OSBPL3: variants seen among roughly 807,000 people sequenced by gnomAD.
OSBPL3 encodes the protein oxysterol-binding protein-related protein 3.
OSBPL3 carries 65 observed loss-of-function variants against 120.1 expected under a neutral mutation model. The observed-to-expected ratio is 0.54, with a 90% CI of 0.44 to 0.67. The LOEUF is 0.67. Ranked by LOEUF, OSBPL3 falls within the 30% of genes least tolerant of loss-of-function variation. The pLI is 0.00. For missense variants in OSBPL3, 1,004 were observed against 1,082.1 expected (o/e 0.93, Z 1.01); for synonymous variants, 416 against 402.6 (o/e 1.03, Z -0.40).
intron 4 of OSBPL3, 26 bp from the exon 5 acceptor site, chr7:24,870,871 T>G (rs1802011082): frequency 7.0e-7 from 1 of 1,433,384 alleles, no homozygotes; most frequent in South Asian, 1.1e-5. Flanking sequence ...GAGGGTCACT[T>G]GGGGACCATG....
intron 2 of OSBPL3, among the ~76,000 whole-genome samples, chr7:24,887,316 T>C (rs991694310): frequency 9.9e-5 from 15 of 152,174 alleles, no homozygotes; most frequent in East Asian, 1.9e-4. Context: ...AGTAGATTCC[T>C]CTATGGTGAA....
chr7:24,840,728 T>C lies in OSBPL3; in HGVS notation c.1457A>G (p.Asn486Ser). 1 of 1,464,312 alleles carries C rather than the reference T, an allele frequency of 6.8e-7. No homozygotes were observed. Among genetic ancestry groups the C allele is most frequent in the Non-Finnish European group, 9.4e-7 (1 of 1,065,322 alleles). 90.7% of individuals were successfully genotyped at this position (1,464,312 alleles called of 1,614,324 possible). ...CTCATTATCTAAATCATTACTGAGA[T>C]TATCTAAGGAAAGATTATCACTTAT... ...SDISDNLSLD[N>S]LSNDLDNERQ... The change falls in exon 14 of 23, where the codon AAT (asparagine) becomes AGT (serine). Residue 486 changes from asparagine to serine, a missense_variant. Physicochemically the swap from Asn to Ser is conservative, Grantham distance 46. This residue lies in a region of OSBPL3 where 473 missense variants were observed against 568.0 expected (regional missense o/e 0.83). Coordinates refer to ENST00000313367, the MANE Select transcript of OSBPL3 (RefSeq NM_015550.4).
intron 2 of OSBPL3, among the ~76,000 whole-genome samples, chr7:24,880,082 G>C (rs981657389): frequency 6.6e-6 from 1 of 152,172 alleles, no homozygotes; most frequent in African/African-American, 2.4e-5. Context: ...CACTGGGGTG[G>C]TGATGGGGTT....
rs537315122 is a variant in OSBPL3 at position 24,827,058 on chromosome 7, C to G, written c.1884+3710G>C. Among the ~76,000 whole-genome samples the G allele has an allele frequency of 6.6e-6, 1 of 152,170 alleles. No individual in the cohort carries two copies. Among genetic ancestry groups the G allele is most frequent in the Non-Finnish European group, 1.5e-5 (1 of 68,022 alleles). ...TGCCAGGTCCTTAAGCTTGGAGATA[C>G]AATTTCCATCATTATCCTCCTTAGA... On this transcript the variant is annotated intron_variant, in intron 16 of 22. Coordinates refer to ENST00000313367, the MANE Select transcript of OSBPL3 (RefSeq NM_015550.4). The surrounding 1 kb of genome is among the most constrained non-coding windows in gnomAD (Gnocchi z 5.1).
intron 1 of OSBPL3, among the ~76,000 whole-genome samples, chr7:24,970,580 G>A (rs1303075707): frequency 1.3e-5 from 2 of 152,202 alleles, no homozygotes; most frequent in Admixed American, 6.5e-5. Context: ...GATACAGATA[G>A]ATAGATATAA....
Position 24,852,484 on chromosome 7 carries a change from G to T in OSBPL3, c.1158+20C>A, listed in dbSNP as rs1799277715. 5 of 1,536,496 alleles carry T rather than the reference G, an allele frequency of 3.3e-6. No individual in the cohort carries two copies. The highest frequency in any genetic ancestry group is 3.5e-4 in the Middle Eastern group (2 of 5,734). ...CCTGGACACATCTCAGGCATTCCTGGAGGCAGACATGTAACTTACGGATGA... is the reference window on the plus strand; with the variant it reads ...CCTGGACACATCTCAGGCATTCCTGTAGGCAGACATGTAACTTACGGATGA... On this transcript the variant is annotated intron_variant, in intron 11 of 22. Transcript: ENST00000313367. This position sits in a 1 kb window ranked among gnomAD's most constrained non-coding sequence, Gnocchi z 4.1.
chr7:24,940,945 A>G lies in OSBPL3; in HGVS notation c.-150+38941T>C, dbSNP rs1281625002. Among the ~76,000 whole-genome samples, 2 of 150,880 alleles carry G rather than the reference A, an allele frequency of 1.3e-5. No homozygotes were observed. Among genetic ancestry groups the G allele is most frequent in the Non-Finnish European group, 3.0e-5 (2 of 67,794 alleles). ...AGCCATTCTCCTGCCCCAGCCTCCCAAGTAGCTGGGACTACAGGCTCCTGC... is the reference window on the plus strand; with the variant it reads ...AGCCATTCTCCTGCCCCAGCCTCCCGAGTAGCTGGGACTACAGGCTCCTGC... On this transcript the variant is annotated intron_variant, in intron 1 of 22. Transcript: ENST00000313367. The surrounding 1 kb of genome is among the most constrained non-coding windows in gnomAD (Gnocchi z 4.4).
chr7:24,933,637 C>G lies in OSBPL3; in HGVS notation c.-149-41016G>C, dbSNP rs1183649790. 6.6e-6 allele frequency among the ~76,000 whole-genome samples: 1 copy of G among 152,196 alleles called. No homozygotes were observed. Among genetic ancestry groups the G allele is most frequent in the Non-Finnish European group, 1.5e-5 (1 of 68,038 alleles). On this transcript the variant is annotated intron_variant, in intron 1 of 22. Coordinates refer to ENST00000313367, the MANE Select transcript of OSBPL3 (RefSeq NM_015550.4). This position sits in a 1 kb window ranked among gnomAD's most constrained non-coding sequence, Gnocchi z 5.1. ...GAAAAACTAGTAATTGAGCAAAACT[C>G]TAAGCTTGTGTAAAAAAGAAATGTT...
At chr7:24,801,455 C>T (rs568967973) in intron 22 of OSBPL3, among the ~76,000 whole-genome samples, 38 of 152,262 alleles carry the variant, frequency 2.5e-4, no homozygotes, top group African/African-American at 6.5e-4. Flanking sequence ...TTCATTCTTT[C>T]AGGGAAATTC....
chr7:24,809,148 T>C (rs1793443817), intron 20 of OSBPL3, among the ~76,000 whole-genome samples: 1 of 152,188 alleles, frequency 6.6e-6, no homozygotes, highest in South Asian at 2.1e-4. Flanking sequence ...GTTTTCTGTT[T>C]GGTTTTTTAC....
chr7:24,865,298 A>T, intron 7 of OSBPL3, 44 bp downstream of exon 7: 1 of 1,605,026 alleles, frequency 6.2e-7, no homozygotes, highest in Non-Finnish European at 8.5e-7. Flanking sequence ...AACCAGTATC[A>T]TCTAATAGCC....
chr7:24,864,637 C>T (rs1801052350), intron 7 of OSBPL3, among the ~76,000 whole-genome samples: 1 of 152,184 alleles, frequency 6.6e-6, no homozygotes, highest in Non-Finnish European at 1.5e-5. Flanking sequence ...ATCATGGCTA[C>T]AGTTTCAAAT....
At chr7:24,845,872 C>G (rs576934981) in intron 12 of OSBPL3, among the ~76,000 whole-genome samples, 1 of 152,124 alleles carries the variant, frequency 6.6e-6, no homozygotes, top group South Asian at 2.1e-4. Context: ...TTCAGCAGGG[C>G]ATGGTGGGTA....
rs1024707348 is a variant in OSBPL3, at chr7:24,955,802, C to T, written c.-150+24084G>A. On this transcript the variant is annotated intron_variant, in intron 1 of 22. Transcript: ENST00000313367. This position sits in a 1 kb window ranked among gnomAD's most constrained non-coding sequence, Gnocchi z 4.3. ...CCCCTGGACCCACAAGGGGGCTTGA[C>T]GCATTAGTAGGCATTCAATAAATAT... Among the ~76,000 whole-genome samples the T allele has an allele frequency of 1.1e-4, 16 of 152,168 alleles. No homozygotes were observed. The highest frequency in any genetic ancestry group is 3.2e-3 in the Middle Eastern group (1 of 316).
rs1248420855 is a variant in OSBPL3, at chr7:24,877,958, G to A, written c.97-5889C>T. Among the ~76,000 whole-genome samples, 1 of 152,192 alleles carries A rather than the reference G, an allele frequency of 6.6e-6. No homozygotes were observed. The highest frequency in any genetic ancestry group is 1.5e-5 in the Non-Finnish European group (1 of 68,032). On this transcript the variant is annotated intron_variant, in intron 2 of 22. Coordinates refer to ENST00000313367, the MANE Select transcript of OSBPL3 (RefSeq NM_015550.4). This position sits in a 1 kb window ranked among gnomAD's most constrained non-coding sequence, Gnocchi z 4.8. Reference sequence around the variant, plus strand: ...ATACCAGGTGGAGAGAGAAACATGGGAGGGGTTGGGGGATGTGGCTTCTTA... The same window carrying A: ...ATACCAGGTGGAGAGAGAAACATGGAAGGGGTTGGGGGATGTGGCTTCTTA...
chr7:24,871,935 G>A lies in OSBPL3; in HGVS notation c.213+18C>T. 2 of 1,569,964 alleles carry A rather than the reference G, an allele frequency of 1.3e-6. No homozygotes were observed. Among genetic ancestry groups the A allele is most frequent in the Non-Finnish European group, 1.8e-6 (2 of 1,140,008 alleles). On this transcript the variant is annotated intron_variant, in intron 3 of 22. Transcript: ENST00000313367. The surrounding 1 kb of genome is among the most constrained non-coding windows in gnomAD (Gnocchi z 4.8). ...GCAGTGTGAGTGCAAATAAAGGGGA[G>A]GCCAAGACCAACCTTACCTTATGCC...
At chr7:24,931,412 C>T (rs1811772220) in intron 1 of OSBPL3, among the ~76,000 whole-genome samples, 5 of 152,056 alleles carry the variant, frequency 3.3e-5, no homozygotes, top group Admixed American at 3.3e-4. Flanking sequence ...CCTGGATTGT[C>T]CTGGGAGGTC....
Position 24,955,392 on chromosome 7 carries a change from T to A in OSBPL3, c.-150+24494A>T, listed in dbSNP as rs1238716632. On this transcript the variant is annotated intron_variant, in intron 1 of 22. Transcript: ENST00000313367. The surrounding 1 kb of genome is among the most constrained non-coding windows in gnomAD (Gnocchi z 4.3). ...TACAATGCGCTGGGAATTTTTCCAG[T>A]GCTGGGAATACAGTGGTAGACAAGA... Among the ~76,000 whole-genome samples, 1 of 152,226 alleles carries A rather than the reference T, an allele frequency of 6.6e-6. No individual in the cohort carries two copies. Among genetic ancestry groups the A allele is most frequent in the African/African-American group, 2.4e-5 (1 of 41,450 alleles).
rs578086754 is a variant in OSBPL3, at chr7:24,805,891, G to A, written c.2444+885C>T. Among the ~76,000 whole-genome samples the A allele has an allele frequency of 7.9e-5, 12 of 152,178 alleles. No individual in the cohort carries two copies. Among genetic ancestry groups the A allele is most frequent in the East Asian group, 1.9e-4 (1 of 5,184 alleles). On this transcript the variant is annotated intron_variant, in intron 21 of 22. Coordinates refer to ENST00000313367, the MANE Select transcript of OSBPL3 (RefSeq NM_015550.4). This position sits in a 1 kb window ranked among gnomAD's most constrained non-coding sequence, Gnocchi z 4.0. ...ATGAGTTGCAGATACGGACTTCTCC[G>A]TTTGTCATTTATCTTTTGACCTTAT...
Sources: allele counts gnomAD v4.1 joint callset (sites outside exome capture counted in the v4.1 genomes callset), GRCh38; gene constraint gnomAD v4.1.1; regional missense constraint gnomAD v4.1.1; non-coding constraint Gnocchi (gnomAD v3.1); transcripts MANE v1.5; gene names NCBI Gene and HGNC (gene_info 2026-07-23, HGNC 2026-07-21).